The following MRPL42 variants were observed in gnomAD, a reference collection of about 807,000 sequenced individuals.
The protein encoded by MRPL42 is mitochondrial ribosomal protein L42, also known as large ribosomal subunit protein mL42.
In MRPL42, 17 loss-of-function variants were observed where a neutral mutation model predicts 17.9. That is an observed-to-expected ratio of 0.95 (90% CI 0.65 to 1.42). The LOEUF is 1.42. Ranked by LOEUF, MRPL42 falls within the 40% of genes most tolerant of loss-of-function variation. The pLI, the probability that MRPL42 is intolerant of heterozygous loss-of-function variation, is 0.00. For missense variants in MRPL42, 177 were observed against 175.2 expected (o/e 1.01, Z -0.06); for synonymous variants, 59 against 54.4 (o/e 1.08, Z -0.37).
Position 93,501,239 on chromosome 12 carries a change from G to C in MRPL42, c.*18G>C. Reference sequence around the variant, plus strand: ...ACAGATGATGCGGAGGTTCCTGGGGGAATCAAAGAGAAATGTGCCTCATTT... The same window carrying C: ...ACAGATGATGCGGAGGTTCCTGGGGCAATCAAAGAGAAATGTGCCTCATTT... On this transcript the variant is annotated 3_prime_UTR_variant, in exon 6 of 6. Transcript: ENST00000549982. 6.3e-7 allele frequency: 1 copy of C among 1,586,498 alleles called. No homozygotes were observed.
rs1170804416 is a variant in MRPL42 at position 93,484,893 on chromosome 12, C to T, written c.220-2604C>T. ...GATTACAGGCATGAGTCACTGCGCC[C>T]GGCCTCAAAACATTCTTATGCAGCC... On this transcript the variant is annotated intron_variant, in intron 4 of 5. Coordinates refer to ENST00000549982, the MANE Select transcript of MRPL42 (RefSeq NM_014050.4). 9.6e-5 allele frequency among the ~76,000 whole-genome samples: 14 copies of T among 146,394 alleles called. 1 individual carries two copies. Among genetic ancestry groups the T allele is most frequent in the Admixed American group, 7.7e-4 (11 of 14,290 alleles).
Position 93,508,998 on chromosome 12 carries a change from G to A in MRPL42, c.*7777G>A. 1 of 152,224 alleles carries A rather than the reference G, an allele frequency of 6.6e-6. No homozygotes were observed. The highest frequency in any genetic ancestry group is 1.5e-5 in the Non-Finnish European group (1 of 68,056). 9.4% of individuals were successfully genotyped at this position (152,224 alleles called of 1,614,324 possible). A position where few individuals can be genotyped will look rare whatever the true frequency, so the allele number is the denominator to read the frequency against. On this transcript the variant is annotated 3_prime_UTR_variant, in exon 6 of 6. Transcript: ENST00000549982. ...AGGTCAGGAGTTTGAGACCAGCCTAGCTAACATGGTGAAACCCCGTCTCTA... is the reference window on the plus strand; with the variant it reads ...AGGTCAGGAGTTTGAGACCAGCCTAACTAACATGGTGAAACCCCGTCTCTA...
At chr12:93,468,510 G>T (rs1565806859) in intron 1 of MRPL42, among the ~76,000 whole-genome samples, 1 of 152,124 alleles carries the variant, frequency 6.6e-6, no homozygotes, top group Non-Finnish European at 1.5e-5. Context: ...GAAGCAAGAC[G>T]TTTAAATTTT....
At chr12:93,483,861 A>C (rs530747081) in intron 4 of MRPL42, among the ~76,000 whole-genome samples, 1 of 152,350 alleles carries the variant, frequency 6.6e-6, no homozygotes, top group East Asian at 1.9e-4. Flanking sequence ...GTGTACAGCT[A>C]TACAAAAATA....
At chr12:93,486,006 G>T (rs1880725179) in intron 4 of MRPL42, among the ~76,000 whole-genome samples, 1 of 147,358 alleles carries the variant, frequency 6.8e-6, no homozygotes, top group Admixed American at 6.7e-5. Context: ...TTGTAGAGAT[G>T]AGGTTTTTAA....
In MRPL42 at chr12:93,501,940, TATTAA is replaced by T. The variant is rs1166950391; in HGVS notation, c.*723_*727del. 1 of 124,628 alleles carries T rather than the reference TATTAA, an allele frequency of 8.0e-6. No homozygotes were observed. Among genetic ancestry groups the T allele is most frequent in the African/African-American group, 2.6e-5 (1 of 38,470 alleles). The allele number at this position is 124,628 out of a possible 1,614,324, so 7.7% of individuals were successfully genotyped here. A position where few individuals can be genotyped will look rare whatever the true frequency, so the allele number is the denominator to read the frequency against. On this transcript the variant is annotated 3_prime_UTR_variant, in exon 6 of 6. Coordinates refer to ENST00000549982, the MANE Select transcript of MRPL42 (RefSeq NM_014050.4). ...CTGCTAGGCCCCTTCCATCAATTCT[TATTAA>T]ATTCTCAAAATAATCCTTTGAAAAG...
At chr12:93,469,051 C>T in intron 1 of MRPL42, 141 bp from the exon 2 acceptor site, 1 of 462,126 alleles carries the variant, frequency 2.2e-6, no homozygotes, top group Non-Finnish European at 3.8e-6. Context: ...TCCTGTTGTT[C>T]AATCATGTGG....
At chr12:93,475,440 G>C (rs910775068) in intron 2 of MRPL42, among the ~76,000 whole-genome samples, 1 of 151,862 alleles carries the variant, frequency 6.6e-6, no homozygotes, top group African/African-American at 2.4e-5. Context: ...AAGGATGAGG[G>C]GTATTTGAAC....
rs1953767417 is a variant in MRPL42, at chr12:93,515,143, G to A, written c.*13922G>A. ...AACAGCTGGTAATGTAACCAAAGAA[G>A]ATTTTTGGCAGGGGATGATGCATTC... On this transcript the variant is annotated 3_prime_UTR_variant, in exon 6 of 6. Transcript: ENST00000549982. 1 of 152,170 alleles carries A rather than the reference G, an allele frequency of 6.6e-6. No individual in the cohort carries two copies. The highest frequency in any genetic ancestry group is 1.5e-5 in the Non-Finnish European group (1 of 68,046). 9.4% of individuals were successfully genotyped at this position (152,170 alleles called of 1,614,324 possible).
intron 2 of MRPL42, among the ~76,000 whole-genome samples, chr12:93,471,525 T>G (rs1879910144): frequency 6.6e-6 from 1 of 152,032 alleles, no homozygotes; most frequent in African/African-American, 2.4e-5. Flanking sequence ...GGTCTCAAAC[T>G]CCTGACCTCA....
At chr12:93,483,897 G>A (rs887737867) in intron 4 of MRPL42, among the ~76,000 whole-genome samples, 1 of 151,950 alleles carries the variant, frequency 6.6e-6, no homozygotes, top group Non-Finnish European at 1.5e-5. Flanking sequence ...TATTCTATAA[G>A]CTTTTTTGTA....
intron 5 of MRPL42, among the ~76,000 whole-genome samples, chr12:93,492,723 ACT>A (rs1243414444): frequency 2.6e-5 from 4 of 152,256 alleles, no homozygotes; most frequent in Non-Finnish European, 5.9e-5. Context: ...AATGTTTGAG[ACT>A]CTGATAGCCC....
intron 5 of MRPL42, among the ~76,000 whole-genome samples, chr12:93,500,501 C>T (rs1953569757): frequency 6.6e-6 from 1 of 152,178 alleles, no homozygotes; most frequent in South Asian, 2.1e-4. Context: ...TGACATTACA[C>T]ATTTTTCCAC....
intron 4 of MRPL42, among the ~76,000 whole-genome samples, chr12:93,484,404 T>C (rs1364273636): frequency 6.6e-6 from 1 of 152,098 alleles, no homozygotes; most frequent in Non-Finnish European, 1.5e-5. Context: ...CTATACATAA[T>C]TGTATGTGCT....
At chr12:93,483,491 C>T (rs1436976308) in intron 4 of MRPL42, among the ~76,000 whole-genome samples, 2 of 152,038 alleles carry the variant, frequency 1.3e-5, no homozygotes, top group Admixed American at 1.3e-4. Flanking sequence ...AATTGTAACA[C>T]AATGGTCAAT....
At position 93,504,017 on chromosome 12, in the gene MRPL42, A is replaced by G. The variant is rs980469889; in HGVS notation, c.*2796A>G. ...ATTTATTTCTTCTTTTTTTTTTCTT[A>G]TAATCTCATCAGAAGCTGGCAAGAT... On this transcript the variant is annotated 3_prime_UTR_variant, in exon 6 of 6. Coordinates refer to ENST00000549982, the MANE Select transcript of MRPL42 (RefSeq NM_014050.4). 2.5e-4 allele frequency: 27 copies of G among 107,692 alleles called. 1 individual carries two copies. The Middle Eastern group carries it at 3.4e-3, about 14-fold the overall frequency. 6.7% of individuals were successfully genotyped at this position (107,692 alleles called of 1,614,324 possible).
chr12:93,484,908 C>A (rs1880629299), intron 4 of MRPL42, among the ~76,000 whole-genome samples: 1 of 144,468 alleles, frequency 6.9e-6, no homozygotes, highest in Non-Finnish European at 1.5e-5. Context: ...TCAAAACATT[C>A]TTATGCAGCC....
At chr12:93,490,119 A>G (rs1953385669) in intron 5 of MRPL42, among the ~76,000 whole-genome samples, 1 of 152,274 alleles carries the variant, frequency 6.6e-6, no homozygotes, top group East Asian at 1.9e-4. Flanking sequence ...TGCATGTTCC[A>G]TATTGCTACA....
At chr12:93,485,181 G>GAC (rs1880684754) in intron 4 of MRPL42, among the ~76,000 whole-genome samples, 1 of 117,600 alleles carries the variant, frequency 8.5e-6, no homozygotes, top group South Asian at 2.9e-4. Context: ...TTTTTTAATT[G>GAC]ACACAGGGTC....
Sources: gnomAD v4.1 joint callset for allele counts (sites outside exome capture counted in the v4.1 genomes callset) on GRCh38, gnomAD v4.1.1 for gene constraint, MANE v1.5 for transcripts, NCBI Gene and HGNC (gene_info 2026-07-23, HGNC 2026-07-21) for gene names.